ADAM22: variants seen among roughly 807,000 people sequenced by gnomAD.
ADAM22 encodes ADAM metallopeptidase domain 22, also known as disintegrin and metalloproteinase domain-containing protein 22.
A neutral mutation model predicts 144.6 loss-of-function variants in ADAM22; 65 were observed. The observed-to-expected ratio is 0.45, with a 90% CI of 0.37 to 0.55. ADAM22 has a LOEUF of 0.55. Among genes scored for constraint, ADAM22 ranks in the 20% least tolerant of loss-of-function variants. The probability of loss-of-function intolerance (pLI) is 0.00; values close to 1 mark genes in which losing one functional copy is unlikely to be tolerated. For missense variants in ADAM22, 974 were observed against 1,184.9 expected (o/e 0.82, Z 2.61); for synonymous variants, 391 against 412.6 (o/e 0.95, Z 0.63).
At chr7:87,980,524 T>C (rs1003224072) in intron 3 of ADAM22, among the ~76,000 whole-genome samples, 2 of 152,092 alleles carry the variant, frequency 1.3e-5, no homozygotes, top group African/African-American at 2.4e-5. Flanking sequence ...CTGTGGAACA[T>C]ATAGAAAATT....
Position 88,196,675 on chromosome 7 carries a change from G to A in ADAM22, c.*184G>A. On this transcript the variant is annotated 3_prime_UTR_variant, in exon 32 of 32. Transcript: ENST00000413139. ...CCATTTTCTTTTTGTCATTGGCTTA[G>A]GATTTAACTAACCATGAAAAGAACT... 1 of 619,702 alleles carries A rather than the reference G, an allele frequency of 1.6e-6. No homozygotes were observed. Among genetic ancestry groups the A allele is most frequent in the South Asian group, 2.0e-5 (1 of 49,962 alleles). 38.4% of individuals were successfully genotyped at this position (619,702 alleles called of 1,614,324 possible). A position where few individuals can be genotyped will look rare whatever the true frequency, so the allele number is the denominator to read the frequency against.
rs779607187 is a variant in ADAM22 at position 87,935,097 on chromosome 7, C to T, written c.157C>T (p.Leu53=). The change falls in exon 2 of 32, where the codon CTG becomes TTG. Residue 53 remains leucine, a synonymous_variant. Coordinates refer to ENST00000413139, the MANE Select transcript of ADAM22 (RefSeq NM_001324418.2). ...CGTGGAGCGCCAGAGCATCGTGCCA[C>T]TGCGCCTCATCTACCGCTCGGGCGG... ...RFVERQSIVP[L]RLIYRSGGED... 1 of 1,614,112 alleles carries T rather than the reference C, an allele frequency of 6.2e-7. No homozygotes were observed.
At chr7:88,035,879 T>G (rs1801422420) in intron 3 of ADAM22, among the ~76,000 whole-genome samples, 1 of 152,220 alleles carries the variant, frequency 6.6e-6, no homozygotes, top group African/African-American at 2.4e-5. Flanking sequence ...GAGTGCTGTC[T>G]TCTGAGTTTC....
chr7:87,980,398 A>G (rs1853077347), intron 3 of ADAM22, among the ~76,000 whole-genome samples: 1 of 147,976 alleles, frequency 6.8e-6, no homozygotes, highest in Non-Finnish European at 1.5e-5. Flanking sequence ...TTTTTAATGT[A>G]GAATTTTGTT....
chr7:87,968,492 C>T (rs887525677), intron 2 of ADAM22, among the ~76,000 whole-genome samples: 4 of 151,922 alleles, frequency 2.6e-5, no homozygotes, highest in African/African-American at 4.8e-5. Context: ...GACCTATGAT[C>T]GCATCTCTGA....
At chr7:87,997,561 C>G (rs1288294934) in intron 3 of ADAM22, among the ~76,000 whole-genome samples, 1 of 152,222 alleles carries the variant, frequency 6.6e-6, no homozygotes, top group Non-Finnish European at 1.5e-5. Context: ...AATTCAGTTC[C>G]TTGAGATTAT....
At chr7:87,988,185 G>A (rs1232684931) in intron 3 of ADAM22, among the ~76,000 whole-genome samples, 1 of 152,136 alleles carries the variant, frequency 6.6e-6, no homozygotes, top group Non-Finnish European at 1.5e-5. Context: ...AACTTTCTTT[G>A]AGGAAATGGT....
chr7:87,935,596 G>A (rs1841063400), intron 2 of ADAM22, among the ~76,000 whole-genome samples: 1 of 152,170 alleles, frequency 6.6e-6, no homozygotes, highest in Non-Finnish European at 1.5e-5. Flanking sequence ...GGTTGACACT[G>A]TAAGAAAAAA....
chr7:88,043,366 TC>T (rs1803655174), intron 3 of ADAM22, among the ~76,000 whole-genome samples: 1 of 151,514 alleles, frequency 6.6e-6, no homozygotes, highest in South Asian at 2.1e-4. Context: ...GCACCTGTAG[TC>T]CCAGCTACTC....
intron 3 of ADAM22, among the ~76,000 whole-genome samples, chr7:87,986,573 G>C (rs914854488): frequency 1.3e-5 from 2 of 152,204 alleles, no homozygotes; most frequent in Non-Finnish European, 2.9e-5. Flanking sequence ...CCAAACTCAT[G>C]GGTGAGGAGG....
At chr7:88,013,537 G>C (rs371380145) in intron 3 of ADAM22, among the ~76,000 whole-genome samples, 2 of 152,110 alleles carry the variant, frequency 1.3e-5, no homozygotes, top group Non-Finnish European at 2.9e-5. Flanking sequence ...GGATCTTCCC[G>C]CATCAGCCTC....
intron 4 of ADAM22, among the ~76,000 whole-genome samples, chr7:88,081,788 A>G (rs2129483065): frequency 7.0e-6 from 1 of 143,018 alleles, no homozygotes; most frequent in Admixed American, 7.3e-5. Flanking sequence ...AAGGGATGTG[A>G]AGGACCTCTT....
Position 88,201,614 on chromosome 7 carries a change from T to A in ADAM22, c.*5123T>A, listed in dbSNP as rs1238429959. 1 of 152,216 alleles carries A rather than the reference T, an allele frequency of 6.6e-6. No individual in the cohort carries two copies. 9.4% of individuals were successfully genotyped at this position (152,216 alleles called of 1,614,324 possible). On this transcript the variant is annotated 3_prime_UTR_variant, in exon 32 of 32. Transcript: ENST00000413139. ...TAATAGGCCAGTCACTCCTGCCTGATGCATCCCTGTTGCACTGTTCATAAA... is the reference window on the plus strand; with the variant it reads ...TAATAGGCCAGTCACTCCTGCCTGAAGCATCCCTGTTGCACTGTTCATAAA...
At chr7:87,966,721 GTTTTTTTTT>G (rs71120012) in intron 2 of ADAM22, among the ~76,000 whole-genome samples, 5 of 39,886 alleles carry the variant, frequency 1.3e-4, no homozygotes, top group Admixed American at 5.0e-4. Flanking sequence ...AAGGAAAGCC[GTTTTTTTTT>G]TTTTTTTTTT....
At chr7:88,189,803 G>T (rs113154145) in intron 30 of ADAM22, among the ~76,000 whole-genome samples, 1 of 152,072 alleles carries the variant, frequency 6.6e-6, no homozygotes, top group African/African-American at 2.4e-5. Context: ...AATTAGCTGG[G>T]TATGGTGGTG....
intron 3 of ADAM22, among the ~76,000 whole-genome samples, chr7:88,022,818 T>C (rs1407231879): frequency 2.0e-5 from 3 of 152,176 alleles, no homozygotes; most frequent in Non-Finnish European, 4.4e-5. Context: ...AGAAAAAAAC[T>C]ATAACTTTAT....
At chr7:88,185,582 G>C (rs1647720662) in intron 29 of ADAM22, among the ~76,000 whole-genome samples, 1 of 152,006 alleles carries the variant, frequency 6.6e-6, no homozygotes, top group South Asian at 2.1e-4. Flanking sequence ...AAAATGAAAA[G>C]TAAAACTTCC....
In ADAM22 at chr7:87,941,948, T is replaced by TC. The variant is rs528998511; in HGVS notation, c.246+6765dup. 3.9e-5 allele frequency among the ~76,000 whole-genome samples: 6 copies of TC among 152,200 alleles called. No homozygotes were observed. In the East Asian group the frequency reaches 1.2e-3, roughly 29 times the overall value. On this transcript the variant is annotated intron_variant, in intron 2 of 31. Transcript: ENST00000413139. ...CTCCTGTTGTTTTTAACAAATAGAG[T>TC]CCCTTAGAAGAACTTGGAGAGAGGC...
intron 7 of ADAM22, among the ~76,000 whole-genome samples, chr7:88,122,600 T>A (rs944907457): frequency 3.3e-5 from 5 of 152,190 alleles, no homozygotes; most frequent in Non-Finnish European, 7.4e-5. Context: ...ATTATCTAAA[T>A]CAGATCCAGG....
Sources: gnomAD v4.1 joint callset for allele counts (sites outside exome capture counted in the v4.1 genomes callset) on GRCh38, gnomAD v4.1.1 for gene constraint, MANE v1.5 for transcripts, NCBI Gene and HGNC (gene_info 2026-07-23, HGNC 2026-07-21) for gene names.